The following GPC5 variants were observed in gnomAD, a reference collection of about 807,000 sequenced individuals.
GPC5 encodes the protein glypican-5.
GPC5 carries 47 observed loss-of-function variants against 53.9 expected under a neutral mutation model. The observed-to-expected ratio is 0.87, with a 90% CI of 0.69 to 1.11. GPC5 has a LOEUF of 1.11. Ranked by LOEUF, GPC5 falls within the 50% of genes most tolerant of loss-of-function variation. The probability of loss-of-function intolerance (pLI) is 0.00; values close to 1 mark genes in which losing one functional copy is unlikely to be tolerated. For missense variants in GPC5, 748 were observed against 713.1 expected (o/e 1.05, Z -0.56); for synonymous variants, 286 against 263.3 (o/e 1.09, Z -0.84).
At chr13:92,107,200 C>T (rs2041517011) in intron 6 of GPC5, among the ~76,000 whole-genome samples, 1 of 151,924 alleles carries the variant, frequency 6.6e-6, no homozygotes, top group Non-Finnish European at 1.5e-5. Context: ...GCCCTTATGA[C>T]TTACCAACTT....
chr13:91,457,670 C>T (rs558884027), intron 2 of GPC5, among the ~76,000 whole-genome samples: 2 of 152,116 alleles, frequency 1.3e-5, no homozygotes, highest in South Asian at 4.1e-4. Context: ...AACCAAAAAC[C>T]AGGTAGAAGG....
chr13:92,368,776 G>A (rs1272885438), intron 7 of GPC5, among the ~76,000 whole-genome samples: 1 of 151,508 alleles, frequency 6.6e-6, no homozygotes, highest in African/African-American at 2.4e-5. Context: ...TGCTGTAAAA[G>A]ATTGTATTAA....
intron 6 of GPC5, among the ~76,000 whole-genome samples, chr13:92,135,987 A>G (rs2041781148): frequency 6.6e-6 from 1 of 152,186 alleles, no homozygotes; most frequent in South Asian, 2.1e-4. Flanking sequence ...GAGACAGTAG[A>G]AAAGTTTGGT....
intron 2 of GPC5, among the ~76,000 whole-genome samples, chr13:91,688,427 A>G (rs2035669142): frequency 6.6e-6 from 1 of 152,176 alleles, no homozygotes; most frequent in African/African-American, 2.4e-5. Flanking sequence ...AAAAATATGT[A>G]TATTACATAT....
At chr13:91,848,909 T>C (rs2038881973) in intron 5 of GPC5, among the ~76,000 whole-genome samples, 1 of 152,230 alleles carries the variant, frequency 6.6e-6, no homozygotes, top group African/African-American at 2.4e-5. Context: ...TTTTATGCAG[T>C]ATGGTTATTT....
At chr13:91,408,685 A>T (rs1877505506) in intron 1 of GPC5, among the ~76,000 whole-genome samples, 1 of 152,186 alleles carries the variant, frequency 6.6e-6, no homozygotes, top group African/African-American at 2.4e-5. Flanking sequence ...ATGTTGTTGT[A>T]TTTAAAAGCT....
At chr13:92,658,929 T>TTTTTG (rs1555299938) in intron 7 of GPC5, 6 of 128,136 alleles carry the variant, frequency 4.7e-5, no homozygotes, top group African/African-American at 1.6e-4. Context: ...GTTTTGTTTT[T>TTTTTG]TTTTTTTTTT....
At chr13:91,615,421 G>GA (rs902348828) in intron 2 of GPC5, among the ~76,000 whole-genome samples, 88 of 151,998 alleles carry the variant, frequency 5.8e-4, no homozygotes, top group Non-Finnish European at 1.1e-3. Flanking sequence ...CTATTGACAA[G>GA]AAAAAAAATC....
chr13:92,613,304 A>G (rs980171757), intron 7 of GPC5, among the ~76,000 whole-genome samples: 1 of 114,434 alleles, frequency 8.7e-6, no homozygotes, highest in Non-Finnish European at 1.7e-5. Flanking sequence ...ATAAAAATAT[A>G]TAATGTATAT....
intron 5 of GPC5, among the ~76,000 whole-genome samples, chr13:91,800,825 G>C (rs1381290045): frequency 6.8e-6 from 1 of 146,798 alleles, no homozygotes; most frequent in Non-Finnish European, 1.5e-5. Context: ...TCAACTTTAT[G>C]TGTAGTATAT....
chr13:91,942,022 C>T (rs2039931892), intron 6 of GPC5, among the ~76,000 whole-genome samples: 1 of 152,074 alleles, frequency 6.6e-6, no homozygotes, highest in Non-Finnish European at 1.5e-5. Context: ...AGTGAATTAA[C>T]ATATCCATCA....
intron 5 of GPC5, among the ~76,000 whole-genome samples, chr13:91,898,766 A>G (rs1023179058): frequency 1.3e-5 from 2 of 152,104 alleles, no homozygotes; most frequent in Admixed American, 1.3e-4. Flanking sequence ...TGTTGAAGGC[A>G]GTGCTAGATT....
At chr13:92,655,521 G>A (rs1886102854) in intron 7 of GPC5, among the ~76,000 whole-genome samples, 1 of 152,054 alleles carries the variant, frequency 6.6e-6, no homozygotes, top group Non-Finnish European at 1.5e-5. Context: ...TTTTAGTAGA[G>A]ATGGGGTTTC....
chr13:91,736,881 A>T (rs1374500335), intron 4 of GPC5, among the ~76,000 whole-genome samples: 1 of 151,300 alleles, frequency 6.6e-6, no homozygotes, highest in Non-Finnish European at 1.5e-5. Flanking sequence ...TAAGGTGGAA[A>T]TGAGAAAACA....
chr13:91,930,005 G>T (rs970614684), intron 6 of GPC5, among the ~76,000 whole-genome samples: 1 of 152,024 alleles, frequency 6.6e-6, no homozygotes, highest in Non-Finnish European at 1.5e-5. Flanking sequence ...AAAGTTATAA[G>T]CTAGCCTTTG....
At chr13:92,095,356 T>A (rs1250713703) in intron 6 of GPC5, among the ~76,000 whole-genome samples, 3 of 152,184 alleles carry the variant, frequency 2.0e-5, no homozygotes, top group Non-Finnish European at 4.4e-5. Flanking sequence ...TTAATTAATT[T>A]ATTATTTTTT....
intron 7 of GPC5, among the ~76,000 whole-genome samples, chr13:92,460,829 G>T (rs1360684023): frequency 1.3e-5 from 2 of 152,166 alleles, no homozygotes; most frequent in African/African-American, 4.8e-5. Context: ...CTAGAGCTAG[G>T]TATATAACCC....
intron 7 of GPC5, among the ~76,000 whole-genome samples, chr13:92,668,387 T>G (rs1433376942): frequency 6.6e-6 from 1 of 152,150 alleles, no homozygotes; most frequent in Non-Finnish European, 1.5e-5. Flanking sequence ...GTACCAACAA[T>G]CTGCATTTCC....
At chr13:92,739,616 T>A (rs899394192) in intron 7 of GPC5, among the ~76,000 whole-genome samples, 15 of 152,028 alleles carry the variant, frequency 9.9e-5, no homozygotes, top group Admixed American at 6.6e-4. Flanking sequence ...TCTCACCTTT[T>A]CAAACTATCA....
Sources: gnomAD v4.1 joint callset for allele counts (sites outside exome capture counted in the v4.1 genomes callset) on GRCh38, gnomAD v4.1.1 for gene constraint, MANE v1.5 for transcripts, NCBI Gene and HGNC (gene_info 2026-07-23, HGNC 2026-07-21) for gene names.